RSRC1: variants seen among roughly 807,000 people sequenced by gnomAD.
RSRC1 encodes arginine and serine rich coiled-coil 1.
RSRC1 carries 39 observed loss-of-function variants against 49.1 expected under a neutral mutation model. The observed-to-expected ratio is 0.79, with a 90% CI of 0.61 to 1.04. The LOEUF is 1.04. RSRC1 is among the 50% of genes least tolerant of loss of function. The pLI is 0.00. For missense variants in RSRC1, 388 were observed against 402.4 expected (o/e 0.96, Z 0.31); for synonymous variants, 143 against 130.8 (o/e 1.09, Z -0.63).
intron 6 of RSRC1, among the ~76,000 whole-genome samples, chr3:158,451,363 T>C (rs1737017571): frequency 6.6e-6 from 1 of 152,120 alleles, no homozygotes; most frequent in African/African-American, 2.4e-5. Flanking sequence ...ATAACTATTA[T>C]TATATAGTCT....
intron 4 of RSRC1, among the ~76,000 whole-genome samples, chr3:158,269,257 T>A (rs1477206708): frequency 6.6e-6 from 1 of 152,222 alleles, no homozygotes; most frequent in Non-Finnish European, 1.5e-5. Context: ...GTTTAAAATA[T>A]CCAAGTATGT....
intron 7 of RSRC1, chr3:158,469,346 A>AT (rs1271937206): frequency 4.5e-6 from 2 of 449,312 alleles, no homozygotes; most frequent in Non-Finnish European, 8.9e-6. Context: ...AATTTTAGAA[A>AT]TGCTACTAAA....
At chr3:158,147,772 A>G (rs894984086) in intron 3 of RSRC1, among the ~76,000 whole-genome samples, 1 of 152,218 alleles carries the variant, frequency 6.6e-6, no homozygotes, top group African/African-American at 2.4e-5. Context: ...GTATACATTT[A>G]GTTGAACAAT....
chr3:158,342,535 C>T (rs992930707), intron 5 of RSRC1, among the ~76,000 whole-genome samples: 1 of 152,128 alleles, frequency 6.6e-6, no homozygotes, highest in Non-Finnish European at 1.5e-5. Flanking sequence ...ACCATAAATC[C>T]AATTAAACCT....
rs539073798 is a variant in RSRC1 at position 158,159,933 on chromosome 3, G to A, written c.320+35942G>A. ...TAATGCCATGTATGTGGGTGTGTGC[G>A]TGTGTGTGAGTGTTTGATCGCTTCA... On this transcript the variant is annotated intron_variant, in intron 3 of 9. Transcript: ENST00000611884. Among the ~76,000 whole-genome samples the A allele has an allele frequency of 9.9e-5, 15 of 152,218 alleles. No homozygotes were observed. The East Asian group carries it at 1.7e-3, about 18-fold the overall frequency.
At chr3:158,173,384 T>C (rs924298802) in intron 3 of RSRC1, among the ~76,000 whole-genome samples, 8 of 152,050 alleles carry the variant, frequency 5.3e-5, no homozygotes, top group Non-Finnish European at 1.2e-4. Flanking sequence ...ATTTGAAATA[T>C]ATTTATTTTT....
At chr3:158,242,347 C>CCAGCTCCATCCA (rs1393294827) in intron 4 of RSRC1, among the ~76,000 whole-genome samples, 2 of 152,088 alleles carry the variant, frequency 1.3e-5, no homozygotes, top group African/African-American at 4.8e-5. Flanking sequence ...ACAATGACTT[C>CCAGCTCCATCCA]CAGCTCCATC....
At chr3:158,477,743 A>G (rs148906241) in intron 7 of RSRC1, among the ~76,000 whole-genome samples, 57 of 146,880 alleles carry the variant, frequency 3.9e-4, no homozygotes, top group African/African-American at 1.4e-3. Context: ...TGAAATGATG[A>G]CAGGTCACAA....
At chr3:158,181,618 A>T (rs1719629504) in intron 3 of RSRC1, among the ~76,000 whole-genome samples, 1 of 152,178 alleles carries the variant, frequency 6.6e-6, no homozygotes, top group Non-Finnish European at 1.5e-5. Context: ...AAGCAATGTA[A>T]ATTTTAACAA....
chr3:158,256,910 G>A (rs996284094), intron 4 of RSRC1, among the ~76,000 whole-genome samples: 6 of 152,020 alleles, frequency 3.9e-5, no homozygotes, highest in Non-Finnish European at 7.4e-5. Flanking sequence ...TGGGATCCAT[G>A]GTGGTATCTC....
chr3:158,166,379 C>T (rs1037370592), intron 3 of RSRC1, among the ~76,000 whole-genome samples: 1 of 152,030 alleles, frequency 6.6e-6, no homozygotes. Context: ...TGTCTTGTTA[C>T]ACGTAATCAT....
At chr3:158,152,523 T>A (rs1717605290) in intron 3 of RSRC1, among the ~76,000 whole-genome samples, 1 of 152,200 alleles carries the variant, frequency 6.6e-6, no homozygotes, top group South Asian at 2.1e-4. Context: ...TGAAAGTATT[T>A]TGAAAATAAT....
intron 3 of RSRC1, among the ~76,000 whole-genome samples, chr3:158,161,765 A>AC: frequency 6.6e-6 from 1 of 152,128 alleles, no homozygotes; most frequent in Non-Finnish European, 1.5e-5. Flanking sequence ...ATGTCTCAAA[A>AC]ATACATACAT....
intron 7 of RSRC1, among the ~76,000 whole-genome samples, chr3:158,508,030 G>T (rs1739947981): frequency 6.6e-6 from 1 of 152,100 alleles, no homozygotes; most frequent in Admixed American, 6.6e-5. Context: ...CTATGATCAT[G>T]CCACTGCACT....
chr3:158,340,512 G>C (rs1288061607), intron 5 of RSRC1, among the ~76,000 whole-genome samples: 1 of 152,088 alleles, frequency 6.6e-6, no homozygotes, highest in African/African-American at 2.4e-5. Flanking sequence ...CTGCACTCCA[G>C]CCTGGGCGAC....
chr3:158,350,150 TAAAC>T (rs1446368220), intron 5 of RSRC1, among the ~76,000 whole-genome samples: 1 of 147,734 alleles, frequency 6.8e-6, no homozygotes, highest in South Asian at 2.1e-4. Context: ...TTTTTTTACT[TAAAC>T]AACAGAAATA....
rs547189883 is a variant in RSRC1 at position 158,449,066 on chromosome 3, A to G, written c.584-11869A>G. On this transcript the variant is annotated intron_variant, in intron 6 of 9. Coordinates refer to ENST00000611884, the MANE Select transcript of RSRC1 (RefSeq NM_001271838.2). ...CATGCTCATTCAGCCCACATTTTTCATTTTTCAATATCATCATTTATTACT... is the reference window on the plus strand; with the variant it reads ...CATGCTCATTCAGCCCACATTTTTCGTTTTTCAATATCATCATTTATTACT... Among the ~76,000 whole-genome samples the G allele has an allele frequency of 7.2e-4, 109 of 151,928 alleles. 1 individual carries two copies. The highest frequency in any genetic ancestry group is 1.3e-3 in the Non-Finnish European group (90 of 67,796).
intron 5 of RSRC1, among the ~76,000 whole-genome samples, chr3:158,328,661 T>C (rs1198113734): frequency 6.6e-6 from 1 of 152,188 alleles, no homozygotes; most frequent in Non-Finnish European, 1.5e-5. Flanking sequence ...TGGCTGCCCT[T>C]AACATTTTTT....
intron 8 of RSRC1, among the ~76,000 whole-genome samples, chr3:158,541,783 T>G (rs1713046314): frequency 6.6e-6 from 1 of 152,222 alleles, no homozygotes; most frequent in African/African-American, 2.4e-5. Flanking sequence ...GCTTCTGATC[T>G]AATCCATTTC....
Sources: gnomAD v4.1 joint callset for allele counts (sites outside exome capture counted in the v4.1 genomes callset) on GRCh38, gnomAD v4.1.1 for gene constraint, MANE v1.5 for transcripts, NCBI Gene and HGNC (gene_info 2026-07-23, HGNC 2026-07-21) for gene names.